DPY19L1: variants seen among roughly 807,000 people sequenced by gnomAD.
The protein encoded by DPY19L1 is protein C-mannosyl-transferase DPY19L1.
A neutral mutation model predicts 96.9 loss-of-function variants in DPY19L1; 35 were observed. The observed-to-expected ratio is 0.36, with a 90% CI of 0.28 to 0.48. The LOEUF is 0.48. Among genes scored for constraint, DPY19L1 ranks in the 20% least tolerant of loss-of-function variants. The probability of loss-of-function intolerance (pLI) is 0.99; values close to 1 mark genes in which losing one functional copy is unlikely to be tolerated. For missense variants in DPY19L1, 521 were observed against 777.9 expected (o/e 0.67, Z 3.93); for synonymous variants, 205 against 252.6 (o/e 0.81, Z 1.79).
upstream of DPY19L1, chr7:35,037,792 C>G (rs1413037221): frequency 5.8e-6 from 7 of 1,209,278 alleles, no homozygotes; most frequent in African/African-American, 1.6e-5. Context: ...CGGGGCCCGA[C>G]CCCTCTGGCG....
At chr7:35,000,208 T>C (rs1480381117) in intron 6 of DPY19L1, among the ~76,000 whole-genome samples, 4 of 152,284 alleles carry the variant, frequency 2.6e-5, no homozygotes, top group Non-Finnish European at 5.9e-5. Context: ...ATCATAAAAA[T>C]GTTCCAGATA....
At chr7:35,018,528 TA>T in intron 2 of DPY19L1, 43 bp downstream of exon 2, 1 of 1,565,148 alleles carries the variant, frequency 6.4e-7, no homozygotes, top group Non-Finnish European at 8.8e-7. Context: ...TAGCAAGTTA[TA>T]AACGTCTGCA....
chr7:34,973,539 T>A lies in DPY19L1; in HGVS notation c.889A>T (p.Met297Leu), dbSNP rs1208266521. 6.5e-7 allele frequency: 1 copy of A among 1,544,576 alleles called. No individual in the cohort carries two copies. Among genetic ancestry groups the A allele is most frequent in the South Asian group, 1.3e-5 (1 of 76,134 alleles). The change falls in exon 8 of 22, where the codon ATG becomes TTG. Residue 297 changes from methionine to leucine, a missense_variant. By Grantham distance (15) the Met-to-Leu change is conservative. Transcript: ENST00000638088. Reference sequence around the variant, plus strand: ...CTGAGAATATGAGTCACTAGCAACATCTGAAGAACAAGAAATGGATATGAG... The same window carrying A: ...CTGAGAATATGAGTCACTAGCAACAACTGAAGAACAAGAAATGGATATGAG... ...SFSYPFLVLQ[M>L]LLVTHILRAT... is the part of the protein sequence containing the mutation.
chr7:35,037,814 A>C (rs1197928000), upstream of DPY19L1: 3 of 1,225,680 alleles, frequency 2.4e-6, no homozygotes, highest in South Asian at 4.1e-5. Flanking sequence ...CCGGCTACCC[A>C]CACCTCTTCG....
chr7:34,986,580 A>G (rs1785053120), intron 7 of DPY19L1, among the ~76,000 whole-genome samples: 1 of 152,060 alleles, frequency 6.6e-6, no homozygotes, highest in Admixed American at 6.5e-5. Context: ...ATAAGAATTA[A>G]TGAGATTGTT....
In DPY19L1 at chr7:35,002,385, T is replaced by C. The variant is rs184987435; in HGVS notation, c.764+8083A>G. ...AGAAGGTTGGAAAAAATAAGGCTGATAAAATGTTCTAGAATGTAGAACAAA... is the reference window on the plus strand; with the variant it reads ...AGAAGGTTGGAAAAAATAAGGCTGACAAAATGTTCTAGAATGTAGAACAAA... On this transcript the variant is annotated intron_variant, in intron 6 of 21. Transcript: ENST00000638088. Among the ~76,000 whole-genome samples the C allele has an allele frequency of 2.0e-5, 3 of 151,778 alleles. No individual in the cohort carries two copies. In the East Asian group the frequency reaches 5.8e-4, roughly 29 times the overall value.
chr7:35,018,712 G>C (rs1430413795), intron 1 of DPY19L1, 116 bp from the exon 2 acceptor site: 1 of 916,846 alleles, frequency 1.1e-6, no homozygotes, highest in Non-Finnish European at 1.7e-6. Context: ...AAGAATACTG[G>C]GTCTTCAAAA....
intron 3 of DPY19L1, among the ~76,000 whole-genome samples, chr7:35,016,182 T>C (rs1224405426): frequency 6.6e-6 from 1 of 152,208 alleles, no homozygotes; most frequent in Non-Finnish European, 1.5e-5. Flanking sequence ...GAAAACTGGC[T>C]GATGCCAGGT....
At chr7:34,956,882 A>T (rs1384949993) in intron 11 of DPY19L1, among the ~76,000 whole-genome samples, 2 of 152,212 alleles carry the variant, frequency 1.3e-5, no homozygotes, top group Non-Finnish European at 2.9e-5. Flanking sequence ...TCTAGAAATT[A>T]AGAAACCCCA....
At chr7:34,935,004 C>T (rs932166817) in intron 21 of DPY19L1, among the ~76,000 whole-genome samples, 1 of 152,174 alleles carries the variant, frequency 6.6e-6, no homozygotes, top group Non-Finnish European at 1.5e-5. Context: ...GTGAGTGTTC[C>T]CATGAAGAGG....
chr7:35,006,287 C>T (rs1785554377), intron 6 of DPY19L1, among the ~76,000 whole-genome samples: 1 of 152,090 alleles, frequency 6.6e-6, no homozygotes, highest in Non-Finnish European at 1.5e-5. Flanking sequence ...CCTAGCTAAC[C>T]CCGAACTCCA....
At chr7:34,975,185 AGAG>A in intron 7 of DPY19L1, among the ~76,000 whole-genome samples, 2 of 152,348 alleles carry the variant, frequency 1.3e-5, no homozygotes, top group South Asian at 4.1e-4. Flanking sequence ...GATTAAACTT[AGAG>A]AAGAAGGCAT....
At position 35,011,483 on chromosome 7, in the gene DPY19L1, A is replaced by G; in HGVS notation, c.550-33T>C. 2 of 1,560,646 alleles carry G rather than the reference A, an allele frequency of 1.3e-6. 1 individual carries two copies. The highest frequency in any genetic ancestry group is 2.4e-5 in the South Asian group (2 of 84,946). ...AAAAAATACAGAGGCATCTTAAGAA[A>G]ATATACTAAACAATTTTCATTACTA... On this transcript the variant is annotated intron_variant, in intron 4 of 21. Transcript: ENST00000638088.
chr7:34,976,358 C>T (rs958636076), intron 7 of DPY19L1, among the ~76,000 whole-genome samples: 3 of 152,170 alleles, frequency 2.0e-5, no homozygotes, highest in African/African-American at 7.2e-5. Context: ...GAAGATGTGA[C>T]TGAACTGCTG....
At chr7:34,932,163 T>A (rs1783766138) in intron 21 of DPY19L1, among the ~76,000 whole-genome samples, 1 of 152,214 alleles carries the variant, frequency 6.6e-6, no homozygotes, top group African/African-American at 2.4e-5. Context: ...GAAAAACGTA[T>A]GACATTGATT....
At chr7:34,965,344 T>C (rs1337724802) in intron 10 of DPY19L1, among the ~76,000 whole-genome samples, 1 of 152,204 alleles carries the variant, frequency 6.6e-6, no homozygotes, top group Non-Finnish European at 1.5e-5. Flanking sequence ...TACATGTAAG[T>C]AGCAGAAATC....
In DPY19L1 at chr7:34,987,678, A is replaced by G. The variant is rs181502447; in HGVS notation, c.822+2206T>C. On this transcript the variant is annotated intron_variant, in intron 7 of 21. Transcript: ENST00000638088. Reference sequence around the variant, plus strand: ...AACCCAGTGGCATTTCCAGTGAGCAATGCTCTACAAAAGCTCACTAAATAC... The same window carrying G: ...AACCCAGTGGCATTTCCAGTGAGCAGTGCTCTACAAAAGCTCACTAAATAC... Among the ~76,000 whole-genome samples the G allele has an allele frequency of 4.8e-3, 738 of 152,206 alleles. 3 individuals carry two copies. Among genetic ancestry groups the G allele is most frequent in the African/African-American group, 0.017 (691 of 41,554 alleles).
At chr7:35,001,526 T>G (rs1785426438) in intron 6 of DPY19L1, among the ~76,000 whole-genome samples, 1 of 152,194 alleles carries the variant, frequency 6.6e-6, no homozygotes, top group South Asian at 2.1e-4. Flanking sequence ...AAAAATCATC[T>G]ATAATCTTCC....
At chr7:35,014,431 C>G (rs1043971503) in intron 3 of DPY19L1, among the ~76,000 whole-genome samples, 4 of 151,616 alleles carry the variant, frequency 2.6e-5, no homozygotes, top group African/African-American at 7.3e-5. Context: ...AGAAGCCTAA[C>G]GGAGAGTCTA....
Sources: allele counts gnomAD v4.1 joint callset (sites outside exome capture counted in the v4.1 genomes callset), GRCh38; gene constraint gnomAD v4.1.1; transcripts MANE v1.5; gene names NCBI Gene and HGNC (gene_info 2026-07-23, HGNC 2026-07-21).